Variants in SPAG16 observed in about 807,000 individuals in gnomAD.
SPAG16 encodes sperm-associated antigen 16 protein.
In SPAG16, 86 loss-of-function variants were observed where a neutral mutation model predicts 80.4. The observed-to-expected ratio is 1.07, with a 90% CI of 0.90 to 1.28. The LOEUF (loss-of-function observed/expected upper bound fraction) is 1.28, where lower values mean the gene tolerates loss of function less well. SPAG16 is among the 50% of genes most tolerant of loss of function. The pLI, the probability that SPAG16 is intolerant of heterozygous loss-of-function variation, is 0.00. For missense variants in SPAG16, 870 were observed against 765.3 expected, an observed-to-expected ratio of 1.14 and a Z score of -1.61; for synonymous variants, 294 against 265.9, an observed-to-expected ratio of 1.11 and a Z score of -1.03.
At chr2:213,520,325 G>A (rs910389254) in intron 10 of SPAG16, among the ~76,000 whole-genome samples, 27 of 152,196 alleles carry the variant, frequency 1.8e-4, no homozygotes, top group East Asian at 3.9e-4. Context: ...GGTGGCTCAC[G>A]CCTGTAATCC....
chr2:213,718,452 G>T (rs1393173302), intron 10 of SPAG16, among the ~76,000 whole-genome samples: 9 of 152,162 alleles, frequency 5.9e-5, no homozygotes, highest in African/African-American at 2.2e-4. Flanking sequence ...GCTGGCCAAG[G>T]CTGGAGCCCA....
In SPAG16 at chr2:213,613,347, C is replaced by G. The variant is rs576915647; in HGVS notation, c.1070+123257C>G. Among the ~76,000 whole-genome samples, 5 of 152,320 alleles carry G rather than the reference C, an allele frequency of 3.3e-5. No homozygotes were observed. The South Asian group carries it at 6.2e-4, about 19-fold the overall frequency. Reference sequence around the variant, plus strand: ...AAGCTGAAGTCCTTCTAATTACCAACAAGACCTTACATGACTTGGAGCCCT... The same window carrying G: ...AAGCTGAAGTCCTTCTAATTACCAAGAAGACCTTACATGACTTGGAGCCCT... On this transcript the variant is annotated intron_variant, in intron 10 of 15. Coordinates refer to ENST00000331683, the MANE Select transcript of SPAG16 (RefSeq NM_024532.5).
chr2:213,660,965 G>A (rs113035991), intron 10 of SPAG16, among the ~76,000 whole-genome samples: 7,350 of 152,070 alleles, frequency 0.048, 584 homozygotes, highest in African/African-American at 0.17. Flanking sequence ...TACTAGCATC[G>A]GCCCCCTGGT....
chr2:213,465,498 G>A (rs2072633666), intron 9 of SPAG16, among the ~76,000 whole-genome samples: 1 of 152,174 alleles, frequency 6.6e-6, no homozygotes, highest in Non-Finnish European at 1.5e-5. Flanking sequence ...TCACAGTCAT[G>A]TTCAGGCTTC....
chr2:214,257,019 T>A (rs563137285), intron 15 of SPAG16, among the ~76,000 whole-genome samples: 57 of 152,090 alleles, frequency 3.7e-4, no homozygotes, highest in African/African-American at 1.3e-3. Flanking sequence ...ATATTTTGTA[T>A]CTTGCAATCC....
chr2:213,926,842 A>C (rs1428836367), intron 11 of SPAG16, among the ~76,000 whole-genome samples: 1 of 152,146 alleles, frequency 6.6e-6, no homozygotes, highest in Non-Finnish European at 1.5e-5. Flanking sequence ...GTAAGCTCAT[A>C]CTTGGTTGAA....
chr2:214,121,026 G>A (rs2125455139), intron 14 of SPAG16, among the ~76,000 whole-genome samples: 1 of 151,742 alleles, frequency 6.6e-6, no homozygotes, highest in South Asian at 2.1e-4. Context: ...AGATGCAGAA[G>A]TAGAACTCTC....
chr2:213,527,597 A>C (rs1402312664), intron 10 of SPAG16, among the ~76,000 whole-genome samples: 1 of 152,214 alleles, frequency 6.6e-6, no homozygotes, highest in Admixed American at 6.6e-5. Context: ...GAATAGCACA[A>C]AATTCTGATC....
chr2:213,593,746 CTTTTT>C (rs541949006), intron 10 of SPAG16, among the ~76,000 whole-genome samples: 12 of 50,172 alleles, frequency 2.4e-4, no homozygotes, highest in Non-Finnish European at 6.1e-4. Context: ...CCCACCACAT[CTTTTT>C]TTTTTTTTTT....
chr2:213,804,682 CAACTAACTAACTAACT>C lies in SPAG16; in HGVS notation c.1071-57768_1071-57753del, dbSNP rs75058174. Among the ~76,000 whole-genome samples the C allele has an allele frequency of 1.1e-3, 168 of 148,726 alleles. 1 individual carries two copies. The highest frequency in any genetic ancestry group is 3.4e-3 in the Middle Eastern group (1 of 292). On this transcript the variant is annotated intron_variant, in intron 10 of 15. Coordinates refer to ENST00000331683, the MANE Select transcript of SPAG16 (RefSeq NM_024532.5). ...TGGGCGACAGAGCGAGACTCCGTCT[CAACTAACTAACTAACT>C]AACTAACTAACTAACTAACTAACTA...
At chr2:214,176,036 A>G (rs1156973588) in intron 15 of SPAG16, among the ~76,000 whole-genome samples, 1 of 151,536 alleles carries the variant, frequency 6.6e-6, no homozygotes, top group African/African-American at 2.4e-5. Context: ...AAATAAAATT[A>G]TACTTTGCCA....
At chr2:213,442,347 C>T (rs2071023941) in intron 9 of SPAG16, among the ~76,000 whole-genome samples, 1 of 152,200 alleles carries the variant, frequency 6.6e-6, no homozygotes, top group Non-Finnish European at 1.5e-5. Context: ...TTAGTTCTTT[C>T]CAACTTGACC....
At position 214,012,280 on chromosome 2, in the gene SPAG16, A is replaced by ATGTTTTT. The variant is rs1237894126; in HGVS notation, c.1401-1670_1401-1669insGTTTTTT. Among the ~76,000 whole-genome samples, 4 of 46,382 alleles carry ATGTTTTT rather than the reference A, an allele frequency of 8.6e-5. 1 individual carries two copies. The highest frequency in any genetic ancestry group is 4.3e-4 in the African/African-American group (4 of 9,380). The allele number at this position is 46,382 out of a possible 152,430, so 30.4% of individuals were successfully genotyped here. On this transcript the variant is annotated intron_variant, in intron 12 of 15. Transcript: ENST00000331683. ...CTTACATATATATATATATATATATATATATATATTTTTTTTTTTTTTTTT... is the reference window on the plus strand; with the variant it reads ...CTTACATATATATATATATATATATATGTTTTTTATATATATTTTTTTTTTTTTTTTT...
chr2:213,522,834 A>C (rs1448589515), intron 10 of SPAG16, among the ~76,000 whole-genome samples: 1 of 149,066 alleles, frequency 6.7e-6, no homozygotes, highest in Admixed American at 6.7e-5. Flanking sequence ...ATATATATAT[A>C]ACAAACATAT....
At chr2:213,423,392 A>G (rs993071653) in intron 9 of SPAG16, among the ~76,000 whole-genome samples, 1 of 152,194 alleles carries the variant, frequency 6.6e-6, no homozygotes, top group Non-Finnish European at 1.5e-5. Context: ...TTACCTTAAA[A>G]TTAATGATAC....
chr2:214,033,799 A>C (rs1239337647), intron 13 of SPAG16, among the ~76,000 whole-genome samples: 1 of 152,184 alleles, frequency 6.6e-6, no homozygotes, highest in African/African-American at 2.4e-5. Context: ...ACACCTCCAA[A>C]TATACCAGGG....
At chr2:213,689,650 A>G (rs2064856212) in intron 10 of SPAG16, among the ~76,000 whole-genome samples, 1 of 148,882 alleles carries the variant, frequency 6.7e-6, no homozygotes, top group Admixed American at 6.9e-5. Context: ...CATTATTCTC[A>G]GCCTTACTGA....
intron 15 of SPAG16, among the ~76,000 whole-genome samples, chr2:214,217,969 A>G (rs1235011687): frequency 6.6e-6 from 1 of 152,184 alleles, no homozygotes; most frequent in East Asian, 1.9e-4. Flanking sequence ...TATTTGGATT[A>G]TATCTTTTGA....
intron 10 of SPAG16, among the ~76,000 whole-genome samples, chr2:213,558,065 G>A (rs1054880408): frequency 5.3e-5 from 8 of 152,080 alleles, no homozygotes; most frequent in African/African-American, 1.9e-4. Context: ...AGATTAGATA[G>A]TGATCCAATG....
Sources: gnomAD v4.1 joint callset for allele counts (sites outside exome capture counted in the v4.1 genomes callset) on GRCh38, gnomAD v4.1.1 for gene constraint, MANE v1.5 for transcripts, NCBI Gene and HGNC (gene_info 2026-07-23, HGNC 2026-07-21) for gene names.